Variants in SPECC1 observed in about 807,000 individuals in gnomAD.
SPECC1 encodes the protein cytospin-B.
A neutral mutation model predicts 104.1 loss-of-function variants in SPECC1; 62 were observed. The ratio of observed to expected loss-of-function variants is 0.60; its 90% CI spans 0.49 to 0.74. SPECC1 has a LOEUF of 0.74. SPECC1 is among the 30% of genes least tolerant of loss of function. SPECC1 has a pLI of 0.00. For synonymous variants in SPECC1, 513 were observed against 501.6 expected (o/e 1.02, Z -0.30); for missense variants, 1,306 against 1,310.5 (o/e 1.00, Z 0.05).
rs2151266449 is a variant in SPECC1, at chr17:20,187,763, C to T, written c.284-16570C>T. Among the ~76,000 whole-genome samples, 4 of 152,274 alleles carry T rather than the reference C, an allele frequency of 2.6e-5. No homozygotes were observed. The Middle Eastern group carries it at 0.01, about 388-fold the overall frequency. On this transcript the variant is annotated intron_variant, in intron 3 of 14. Transcript: ENST00000395527. ...GTTTCTGAGATTCTGGGTAATATTT[C>T]AGAGGGACCTTGGTAAATCAGAAGC...
chr17:20,136,360 G>A (rs1188604660), intron 3 of SPECC1, among the ~76,000 whole-genome samples: 1 of 151,328 alleles, frequency 6.6e-6, no homozygotes, highest in African/African-American at 2.4e-5. Context: ...GGGAGGCGGA[G>A]GTTGCAGTTA....
intron 3 of SPECC1, among the ~76,000 whole-genome samples, chr17:20,124,101 A>G (rs73299658): frequency 0.25 from 37,954 of 151,810 alleles, 5,999 homozygotes; most frequent in African/African-American, 0.45. Flanking sequence ...GATGCCACAG[A>G]AGGAGGAGGG....
intron 7 of SPECC1, chr17:20,239,161 G>C: frequency 6.8e-6 from 7 of 1,026,488 alleles, no homozygotes; most frequent in Non-Finnish European, 8.2e-6. Flanking sequence ...ATATAGCATG[G>C]ACTTAAAGTC....
At chr17:20,108,234 G>GA (rs1245519078) in intron 2 of SPECC1, among the ~76,000 whole-genome samples, 4,079 of 139,610 alleles carry the variant, frequency 0.029, 86 homozygotes, top group African/African-American at 0.059. Flanking sequence ...CAAAAAAAAG[G>GA]AAAAAAAAAA....
intron 3 of SPECC1, among the ~76,000 whole-genome samples, chr17:20,200,543 C>G (rs1233399925): frequency 6.6e-6 from 1 of 152,222 alleles, no homozygotes; most frequent in African/African-American, 2.4e-5. Flanking sequence ...CCCTGTTCCA[C>G]TGGCCCTTCT....
chr17:20,148,364 C>A (rs188975908), intron 3 of SPECC1, among the ~76,000 whole-genome samples: 4 of 151,918 alleles, frequency 2.6e-5, no homozygotes, highest in Admixed American at 1.3e-4. Context: ...CTCAGCCTCC[C>A]GAGTAACTGG....
intron 1 of SPECC1, among the ~76,000 whole-genome samples, chr17:20,063,712 C>A (rs1175018594): frequency 1.3e-5 from 2 of 152,174 alleles, no homozygotes; most frequent in African/African-American, 2.4e-5. Context: ...ACAGGCAGTT[C>A]AGAATCCATC....
chr17:20,282,943 C>G (rs2040823541), intron 12 of SPECC1, among the ~76,000 whole-genome samples: 1 of 152,070 alleles, frequency 6.6e-6, no homozygotes, highest in South Asian at 2.1e-4. Flanking sequence ...CTTTCAGAGG[C>G]TGAGGCAGGA....
At chr17:20,297,144 A>C (rs2041381195) in intron 13 of SPECC1, 67 bp downstream of exon 13, 1 of 1,381,604 alleles carries the variant, frequency 7.2e-7, no homozygotes, top group East Asian at 2.4e-5. Context: ...GATAAACCCC[A>C]CTGTGGGAGG....
At chr17:20,026,063 TTTG>T (rs1469271021) in intron 1 of SPECC1, among the ~76,000 whole-genome samples, 12 of 151,756 alleles carry the variant, frequency 7.9e-5, no homozygotes, top group East Asian at 3.8e-4. Flanking sequence ...ATTGGGTTGT[TTTG>T]TTGTTGTTCT....
Position 20,051,197 on chromosome 17 carries a change from A to G in SPECC1, c.-22+41773A>G, listed in dbSNP as rs566622229. On this transcript the variant is annotated intron_variant, in intron 1 of 14. Transcript: ENST00000395527. Reference sequence around the variant, plus strand: ...CCTTCTTTCTTTCCTTCTCCTTCAGACAGAGTCTTGCTTTGTTACTCAGGC... The same window carrying G: ...CCTTCTTTCTTTCCTTCTCCTTCAGGCAGAGTCTTGCTTTGTTACTCAGGC... Among the ~76,000 whole-genome samples the G allele has an allele frequency of 5.6e-5, 7 of 124,610 alleles. No individual in the cohort carries two copies. In the South Asian group the frequency reaches 1.8e-3, roughly 32 times the overall value. 81.7% of individuals were successfully genotyped at this position (124,610 alleles called of 152,430 possible).
chr17:20,203,314 T>G (rs866900329), intron 3 of SPECC1, among the ~76,000 whole-genome samples: 1 of 152,074 alleles, frequency 6.6e-6, no homozygotes, highest in South Asian at 2.1e-4. Context: ...GATTTTATTT[T>G]ACACTGTAAC....
intron 3 of SPECC1, among the ~76,000 whole-genome samples, chr17:20,143,424 C>CTGT (rs1352370242): frequency 6.6e-6 from 1 of 151,924 alleles, no homozygotes; most frequent in Non-Finnish European, 1.5e-5. Context: ...TGGCTCATGC[C>CTGT]TGTAATCCCA....
intron 1 of SPECC1, among the ~76,000 whole-genome samples, chr17:20,076,369 T>G (rs1159315504): frequency 6.6e-6 from 1 of 151,966 alleles, no homozygotes; most frequent in Non-Finnish European, 1.5e-5. Flanking sequence ...CCAGCTAAGT[T>G]TTGTATTTTT....
Position 20,204,724 on chromosome 17 carries a change from G to A in SPECC1, c.675G>A (p.Met225Ile). Residue 225 changes from methionine (M) to isoleucine (I), a missense_variant, in exon 4 of 15, where the codon ATG (methionine) becomes ATA (isoleucine). Coordinates refer to ENST00000395527, the MANE Select transcript of SPECC1 (RefSeq NM_001243439.2). The stretch of plus-strand genomic sequence containing the variant: ...TCTCCCCAGGTGACACGGAACCTAT[G>A]ATAAGAGCTCTTGAGGAGAAGAACA... ...TSVSPGDTEPMIRALEEKNKN... is the reference protein window; with the variant it reads ...TSVSPGDTEPIIRALEEKNKN... 1.2e-6 allele frequency: 2 copies of A among 1,614,090 alleles called. No individual in the cohort carries two copies. Among genetic ancestry groups the A allele is most frequent in the Non-Finnish European group, 1.7e-6 (2 of 1,180,018 alleles).
intron 12 of SPECC1, among the ~76,000 whole-genome samples, chr17:20,288,829 G>GCTC (rs1339738641): frequency 4.0e-4 from 54 of 136,628 alleles, no homozygotes; most frequent in African/African-American, 1.1e-3. Context: ...TGTTGCCCAG[G>GCTC]CTGGAGTGCA....
intron 8 of SPECC1, 42 bp downstream of exon 8, chr17:20,246,113 ACTT>A: frequency 6.2e-7 from 1 of 1,606,746 alleles, no homozygotes; most frequent in Admixed American, 1.7e-5. Flanking sequence ...CCAAATTCAA[ACTT>A]TGGCCCGACA....
At chr17:20,213,161 G>A (rs972706785) in intron 4 of SPECC1, among the ~76,000 whole-genome samples, 8 of 151,882 alleles carry the variant, frequency 5.3e-5, no homozygotes, top group East Asian at 3.9e-4. Flanking sequence ...ACAGTGGTGC[G>A]ATCATAGCTC....
intron 3 of SPECC1, among the ~76,000 whole-genome samples, chr17:20,196,284 T>C (rs1431741697): frequency 1.3e-5 from 2 of 152,250 alleles, no homozygotes; most frequent in Non-Finnish European, 2.9e-5. Flanking sequence ...GCAACTTTTA[T>C]TTTTGGTGAA....
Sources: gnomAD v4.1 joint callset for allele counts (sites outside exome capture counted in the v4.1 genomes callset) on GRCh38, gnomAD v4.1.1 for gene constraint, MANE v1.5 for transcripts, NCBI Gene and HGNC (gene_info 2026-07-23, HGNC 2026-07-21) for gene names.